Variants in XPO4 observed in about 807,000 individuals in gnomAD.
The protein encoded by XPO4 is exportin-4.
Under a neutral mutation model 143.0 loss-of-function variants are expected in XPO4, and 39 were observed. The ratio of observed to expected loss-of-function variants is 0.27; its 90% confidence interval spans 0.21 to 0.36. The LOEUF (loss-of-function observed/expected upper bound fraction) is 0.36. XPO4 is among the 10% of genes least tolerant of loss of function. The pLI is 1.00. For missense variants in XPO4, 907 were observed against 1,348.0 expected (o/e 0.67, Z 5.12); for synonymous variants, 439 against 474.0 (o/e 0.93, Z 0.96).
chr13:20,852,376 C>T, intron 4 of XPO4: 6 of 985,370 alleles, frequency 6.1e-6, no homozygotes, highest in Non-Finnish European at 7.2e-6. Context: ...AGTTGCAAAC[C>T]TTTTCTCTGC....
intron 6 of XPO4, among the ~76,000 whole-genome samples, chr13:20,841,528 A>G (rs1379953740): frequency 1.3e-5 from 2 of 152,180 alleles, no homozygotes; most frequent in East Asian, 3.8e-4. Context: ...TGATTACAGA[A>G]TAAGAATAAA....
At chr13:20,902,003 T>C (rs919223404) in intron 1 of XPO4, 1 of 863,946 alleles carries the variant, frequency 1.2e-6, no homozygotes, top group Non-Finnish European at 1.4e-6. Context: ...CTGCTTATTG[T>C]AGTGTAAGCA....
intron 1 of XPO4, among the ~76,000 whole-genome samples, chr13:20,889,212 G>A (rs2060489366): frequency 6.6e-6 from 1 of 152,124 alleles, no homozygotes; most frequent in Admixed American, 6.6e-5. Flanking sequence ...ATATACTAGG[G>A]ATATTTCAAG....
At position 20,790,508 on chromosome 13, in the gene XPO4, T is replaced by C; in HGVS notation, c.2870A>G (p.Tyr957Cys). The C allele has an allele frequency of 1.2e-6, 2 of 1,614,192 alleles. No homozygotes were observed. The highest frequency in any genetic ancestry group is 2.2e-5 in the South Asian group (2 of 91,090). ...RSVSAADVVLYGVNLILPLMS... is the reference protein window; with the variant it reads ...RSVSAADVVLCGVNLILPLMS... Reference sequence around the variant, plus strand: ...CAAGGGCAGAATTAGGTTTACTCCATACAACACAACATCCGCTGCTGACAC... The same window carrying C: ...CAAGGGCAGAATTAGGTTTACTCCACACAACACAACATCCGCTGCTGACAC... The change falls in exon 19 of 23, where the codon TAT becomes TGT. Residue 957 changes from tyrosine to cysteine, a missense_variant. Tyr to Cys is a radical substitution (Grantham distance 194). Transcript: ENST00000255305.
chr13:20,780,795 G>A lies in XPO4; in HGVS notation c.*2927C>T, dbSNP rs1002839757. The A allele has an allele frequency of 8.5e-5, 13 of 152,302 alleles. No individual in the cohort carries two copies. The highest frequency in any genetic ancestry group is 3.1e-4 in the African/African-American group (13 of 41,572). 9.4% of individuals were successfully genotyped at this position (152,302 alleles called of 1,614,324 possible). On this transcript the variant is annotated 3_prime_UTR_variant, in exon 23 of 23. Transcript: ENST00000255305. ...AAGACCCAAATAATGGTGCTGGAAA[G>A]GACACTGTCAAATACTGTCAGGTAG...
At chr13:20,828,942 C>T (rs774224634) in intron 6 of XPO4, among the ~76,000 whole-genome samples, 5 of 152,182 alleles carry the variant, frequency 3.3e-5, no homozygotes, top group Non-Finnish European at 5.9e-5. Flanking sequence ...TCAAAATATT[C>T]TGGGGATGGC....
At position 20,852,975 on chromosome 13, in the gene XPO4, T is replaced by C. The variant is rs78452573; in HGVS notation, c.456+2652A>G. The C allele has an allele frequency of 1.2e-4, 120 of 985,398 alleles. No homozygotes were observed. In the African/African-American group the frequency reaches 1.9e-3, roughly 16 times the overall value. The allele number at this position is 985,398 out of a possible 1,614,324, so 61.0% of individuals were successfully genotyped here. A position where few individuals can be genotyped will look rare whatever the true frequency, so the allele number is the denominator to read the frequency against. On this transcript the variant is annotated intron_variant, in intron 4 of 22. Transcript: ENST00000255305. Reference sequence around the variant, plus strand: ...GGTCAATTGATTTATCTAAAGCTCATGACATGCTGATCAGAAATGGAGACT... The same window carrying C: ...GGTCAATTGATTTATCTAAAGCTCACGACATGCTGATCAGAAATGGAGACT...
intron 6 of XPO4, among the ~76,000 whole-genome samples, chr13:20,829,468 A>T (rs563885183): frequency 2.0e-5 from 3 of 152,290 alleles, no homozygotes; most frequent in Middle Eastern, 3.4e-3. Context: ...ACATAACCAT[A>T]ATAAAATGGT....
intron 7 of XPO4, 37 bp from the exon 8 acceptor site, chr13:20,822,326 C>A: frequency 6.3e-7 from 1 of 1,579,592 alleles, no homozygotes; most frequent in Non-Finnish European, 8.6e-7. Context: ...AATATAAATT[C>A]TTCCTTTGTA....
intron 6 of XPO4, among the ~76,000 whole-genome samples, chr13:20,837,046 A>G (rs997210027): frequency 1.3e-5 from 2 of 152,194 alleles, no homozygotes; most frequent in African/African-American, 4.8e-5. Context: ...TGGGTATACC[A>G]CATTTTATTT....
chr13:20,900,896 G>A (rs371541525), intron 1 of XPO4, among the ~76,000 whole-genome samples: 6 of 152,258 alleles, frequency 3.9e-5, no homozygotes, highest in Non-Finnish European at 5.9e-5. Context: ...ACAGGAATGA[G>A]CCACCGCACC....
At chr13:20,786,722 G>C (rs1246614833) in intron 22 of XPO4, among the ~76,000 whole-genome samples, 2 of 152,124 alleles carry the variant, frequency 1.3e-5, no homozygotes, top group Non-Finnish European at 2.9e-5. Context: ...CCATTGCAAA[G>C]GATGGTTCAT....
In XPO4 at chr13:20,847,841, G is replaced by A. The variant is rs61954191; in HGVS notation, c.457-3955C>T. On this transcript the variant is annotated intron_variant, in intron 4 of 22. Coordinates refer to ENST00000255305, the MANE Select transcript of XPO4 (RefSeq NM_022459.5). Reference sequence around the variant, plus strand: ...AAAATACAAATCTTAAGACTTCTAAGAGGTTAATACAACAATACTTCACTT... The same window carrying A: ...AAAATACAAATCTTAAGACTTCTAAAAGGTTAATACAACAATACTTCACTT... 2.0e-3 allele frequency among the ~76,000 whole-genome samples: 305 copies of A among 152,294 alleles called. 1 individual carries two copies. The highest frequency in any genetic ancestry group is 7.5e-3 in the South Asian group (36 of 4,828).
At chr13:20,800,092 A>T (rs942757642) in intron 15 of XPO4, 64 bp downstream of exon 15, 188 of 1,571,862 alleles carry the variant, frequency 1.2e-4, no homozygotes, top group East Asian at 1.4e-4. Context: ...CTACACTAAG[A>T]AGTGAAAAAG....
chr13:20,796,930 T>TCAGCAATGCCACA lies in XPO4; in HGVS notation c.2437_2449dup (p.Glu817ValfsTer5). The TCAGCAATGCCACA allele has an allele frequency of 6.2e-7, 1 of 1,614,144 alleles. No individual in the cohort carries two copies. The highest frequency in any genetic ancestry group is 8.5e-7 in the Non-Finnish European group (1 of 1,180,020). On this transcript the variant is annotated stop_gained and frameshift_variant, in exon 17 of 23. Coordinates refer to ENST00000255305, the MANE Select transcript of XPO4 (RefSeq NM_022459.5). LOFTEE classifies it high-confidence loss of function. ...TGCTACGTTGTCAATCTGGGTAGCCTCAGCAATGCCACACAGGGCCTCTAG... is the reference window on the plus strand; with the variant it reads ...TGCTACGTTGTCAATCTGGGTAGCCTCAGCAATGCCACACAGCAATGCCACACAGGGCCTCTAG...
chr13:20,855,553 C>T (rs541338149), intron 4 of XPO4, 74 bp downstream of exon 4: 2 of 1,306,940 alleles, frequency 1.5e-6, no homozygotes, highest in African/African-American at 1.5e-5. Flanking sequence ...ATATCCATTA[C>T]TCTTGCTATA....
intron 1 of XPO4, among the ~76,000 whole-genome samples, chr13:20,881,299 C>T (rs948357046): frequency 1.3e-5 from 2 of 151,818 alleles, no homozygotes; most frequent in African/African-American, 2.4e-5. Flanking sequence ...AACAGAGTCT[C>T]GCTCTGTCGC....
At chr13:20,896,079 A>G (rs941210809) in intron 1 of XPO4, among the ~76,000 whole-genome samples, 1 of 152,190 alleles carries the variant, frequency 6.6e-6, no homozygotes, top group Non-Finnish European at 1.5e-5. Flanking sequence ...ATACCTTTAC[A>G]ATGTGAAATA....
chr13:20,858,229 CA>C lies in XPO4; in HGVS notation c.318-2465del, dbSNP rs150735559. Among the ~76,000 whole-genome samples, 444 of 148,938 alleles carry C rather than the reference CA, an allele frequency of 3.0e-3. 7 individuals are homozygous for C. In the South Asian group the frequency reaches 0.033, roughly 11 times the overall value. On this transcript the variant is annotated intron_variant, in intron 3 of 22. Coordinates refer to ENST00000255305, the MANE Select transcript of XPO4 (RefSeq NM_022459.5). The stretch of plus-strand genomic sequence containing the variant: ...GATCTGAAGTGACAGACTGCAATAC[CA>C]AAAAAAAAGTATAAAGGAAAAAGGA...
Sources: allele counts gnomAD v4.1 joint callset (sites outside exome capture counted in the v4.1 genomes callset), GRCh38; gene constraint gnomAD v4.1.1; transcripts MANE v1.5; gene names NCBI Gene and HGNC (gene_info 2026-07-23, HGNC 2026-07-21).